Variants in NAV2 observed in about 807,000 individuals in gnomAD.
NAV2 encodes the protein neuron navigator 2, also known as helicase, APC down-regulated 1.
A neutral mutation model predicts 223.2 loss-of-function variants in NAV2; 54 were observed. The ratio of observed to expected loss-of-function variants is 0.24; its 90% CI spans 0.19 to 0.30. The LOEUF is 0.30. Ranked by LOEUF, NAV2 falls within the 10% of genes least tolerant of loss-of-function variation. The probability of loss-of-function intolerance (pLI) is 1.00; values close to 1 mark genes in which losing one functional copy is unlikely to be tolerated. For missense variants in NAV2, 2,806 were observed against 3,147.5 expected, an observed-to-expected ratio of 0.89 and a Z score of 2.60; for synonymous variants, 1,279 against 1,239.3, an observed-to-expected ratio of 1.03 and a Z score of -0.67.
At chr11:19,646,886 A>C (rs1590030811) in intron 1 of NAV2, among the ~76,000 whole-genome samples, 1 of 152,276 alleles carries the variant, frequency 6.6e-6, no homozygotes, top group African/African-American at 2.4e-5. Flanking sequence ...CTCAGATATG[A>C]CTTATACTAC....
At chr11:19,402,307 A>T (rs1849720266) in intron 1 of NAV2, among the ~76,000 whole-genome samples, 1 of 152,176 alleles carries the variant, frequency 6.6e-6, no homozygotes, top group Non-Finnish European at 1.5e-5. Flanking sequence ...AAATTTCCTC[A>T]TGTGTAAAAT....
At chr11:20,103,193 G>A (rs1236476821) in intron 32 of NAV2, 62 bp from the exon 33 acceptor site, 25 of 1,524,008 alleles carry the variant, frequency 1.6e-5, no homozygotes, top group East Asian at 1.1e-4. Flanking sequence ...GGCCCTGAGC[G>A]GTGTGTCTTC....
chr11:20,002,861 ACT>A (rs2052692337), intron 11 of NAV2, among the ~76,000 whole-genome samples: 1 of 152,070 alleles, frequency 6.6e-6, no homozygotes, highest in Non-Finnish European at 1.5e-5. Flanking sequence ...CCAAAAACAG[ACT>A]CTGATAGGTT....
intron 1 of NAV2, among the ~76,000 whole-genome samples, chr11:19,661,498 G>A (rs1486191230): frequency 6.7e-6 from 1 of 148,980 alleles, no homozygotes; most frequent in Non-Finnish European, 1.5e-5. Context: ...ACTTGTCAGA[G>A]CGCTTTGAAA....
intron 1 of NAV2, among the ~76,000 whole-genome samples, chr11:19,556,564 A>G (rs192613510): frequency 6.6e-6 from 1 of 152,360 alleles, no homozygotes; most frequent in East Asian, 1.9e-4. Flanking sequence ...TGCCTGAAAT[A>G]TAAACCATAG....
intron 1 of NAV2, among the ~76,000 whole-genome samples, chr11:19,546,399 T>C (rs2044499713): frequency 6.6e-6 from 1 of 152,274 alleles, no homozygotes; most frequent in Admixed American, 6.5e-5. Flanking sequence ...GCCCTGGGTG[T>C]GGGGCCCAGA....
intron 1 of NAV2, among the ~76,000 whole-genome samples, chr11:19,395,629 GA>G: frequency 6.6e-6 from 1 of 152,318 alleles, no homozygotes; most frequent in East Asian, 1.9e-4. Context: ...CCTCGGAGTG[GA>G]CAGCGGCTGA....
At chr11:19,769,151 T>A (rs2055494210) in intron 1 of NAV2, among the ~76,000 whole-genome samples, 1 of 152,168 alleles carries the variant, frequency 6.6e-6, no homozygotes, top group Non-Finnish European at 1.5e-5. Flanking sequence ...TTGAAAAATA[T>A]AAAACCAGGT....
chr11:19,415,323 G>A (rs7101599), intron 1 of NAV2, among the ~76,000 whole-genome samples: 17,178 of 152,126 alleles, frequency 0.11, 1,455 homozygotes, highest in African/African-American at 0.24. Flanking sequence ...ACACCTCTAC[G>A]CAAATAAACT....
intron 1 of NAV2, among the ~76,000 whole-genome samples, chr11:19,430,978 A>T (rs1469335389): frequency 6.6e-6 from 1 of 152,252 alleles, no homozygotes. Flanking sequence ...CTGAGGCTTT[A>T]GCCAAGATTC....
At chr11:19,556,300 C>T (rs1265316075) in intron 1 of NAV2, among the ~76,000 whole-genome samples, 5 of 152,184 alleles carry the variant, frequency 3.3e-5, no homozygotes, top group African/African-American at 1.2e-4. Flanking sequence ...GAATATCATG[C>T]CACCATTAAA....
At chr11:19,965,406 C>G (rs1323163459) in intron 10 of NAV2, among the ~76,000 whole-genome samples, 1 of 152,052 alleles carries the variant, frequency 6.6e-6, no homozygotes, top group Non-Finnish European at 1.5e-5. Flanking sequence ...TTTCCCACAC[C>G]CAGAACCCAG....
At chr11:19,757,738 G>T (rs2054355786) in intron 1 of NAV2, among the ~76,000 whole-genome samples, 1 of 152,196 alleles carries the variant, frequency 6.6e-6, no homozygotes, top group Non-Finnish European at 1.5e-5. Flanking sequence ...GCTATACATT[G>T]TTCTGGGTAC....
chr11:20,089,446 C>T (rs1440546973), intron 26 of NAV2, among the ~76,000 whole-genome samples: 1 of 152,208 alleles, frequency 6.6e-6, no homozygotes, highest in Non-Finnish European at 1.5e-5. Flanking sequence ...ATTAAAATTT[C>T]CACACCCTCA....
At chr11:19,548,602 C>T (rs922295188) in intron 1 of NAV2, among the ~76,000 whole-genome samples, 7 of 151,960 alleles carry the variant, frequency 4.6e-5, no homozygotes. Flanking sequence ...GCAGCGGTGG[C>T]TCACACCTGT....
chr11:19,789,213 C>T (rs996804120), intron 1 of NAV2, among the ~76,000 whole-genome samples: 1 of 152,182 alleles, frequency 6.6e-6, no homozygotes, highest in Non-Finnish European at 1.5e-5. Context: ...TCTTCTTTAG[C>T]TTCTCAGTAC....
chr11:19,783,398 A>G (rs1300255776), intron 1 of NAV2, among the ~76,000 whole-genome samples: 1 of 152,146 alleles, frequency 6.6e-6, no homozygotes, highest in African/African-American at 2.4e-5. Flanking sequence ...TGGCCTGGTG[A>G]TATTCCAATT....
intron 35 of NAV2, among the ~76,000 whole-genome samples, chr11:20,105,986 A>G (rs2061999641): frequency 6.6e-6 from 1 of 151,338 alleles, no homozygotes; most frequent in African/African-American, 2.4e-5. Context: ...GGTTCCCCCA[A>G]GCTGAAGCTA....
intron 1 of NAV2, among the ~76,000 whole-genome samples, chr11:19,640,421 TAATA>T (rs2047632693): frequency 6.6e-6 from 1 of 151,412 alleles, no homozygotes; most frequent in Admixed American, 6.6e-5. Flanking sequence ...AAAATACATA[TAATA>T]TATACTACAT....
Sources: gnomAD v4.1 joint callset for allele counts (sites outside exome capture counted in the v4.1 genomes callset) on GRCh38, gnomAD v4.1.1 for gene constraint, MANE v1.5 for transcripts, NCBI Gene and HGNC (gene_info 2026-07-23, HGNC 2026-07-21) for gene names.